LMO7: variants seen among roughly 807,000 people sequenced by gnomAD.
LMO7 encodes LIM domain only protein 7.
In LMO7, 120 loss-of-function variants were observed where a neutral mutation model predicts 206.5. The ratio of observed to expected loss-of-function variants is 0.58; its 90% CI spans 0.50 to 0.68. LMO7 has a LOEUF of 0.68. LMO7 is among the 30% of genes least tolerant of loss of function. The probability of loss-of-function intolerance (pLI) is 0.00; values close to 1 mark genes in which losing one functional copy is unlikely to be tolerated. For synonymous variants in LMO7, 706 were observed against 681.5 expected (o/e 1.04, Z -0.56); for missense variants, 1,959 against 1,957.9 (o/e 1.00, Z -0.01).
intron 1 of LMO7, among the ~76,000 whole-genome samples, chr13:75,667,748 A>G (rs1463753045): frequency 6.6e-6 from 1 of 152,202 alleles, no homozygotes; most frequent in Non-Finnish European, 1.5e-5. Flanking sequence ...TCACTGGAAC[A>G]TCTTGGAGTC....
intron 1 of LMO7, among the ~76,000 whole-genome samples, chr13:75,662,343 G>A (rs9600515): frequency 0.2 from 30,118 of 152,130 alleles, 3,622 homozygotes; most frequent in Admixed American, 0.35. Context: ...TTCTGAGACA[G>A]AATCTCACTC....
intron 3 of LMO7, among the ~76,000 whole-genome samples, chr13:75,735,239 C>T (rs1413836075): frequency 1.3e-5 from 2 of 151,702 alleles, no homozygotes; most frequent in Non-Finnish European, 2.9e-5. Context: ...TGTGACTCTA[C>T]TTGTCCCACC....
intron 1 of LMO7, among the ~76,000 whole-genome samples, chr13:75,705,215 C>T (rs917857382): frequency 6.6e-6 from 1 of 152,208 alleles, no homozygotes; most frequent in Non-Finnish European, 1.5e-5. Context: ...CACGAGCCTA[C>T]ACTGGGATAT....
Position 75,817,161 on chromosome 13 carries a change from G to T in LMO7, c.1947G>T (p.Gly649=). The change falls in exon 12 of 31, where the codon GGG becomes GGT. Residue 649 remains glycine, a splice_region_variant and synonymous_variant. Transcript: ENST00000377534. ...RLFQKIYGEN[G]SKSMSDVSAE... ...GTAACCATGAGTCTTTTTGTTGTAG[G>T]AGTAAGTCCATGAGTGATGTCAGCG... The T allele has an allele frequency of 6.2e-7, 1 of 1,608,202 alleles. No individual in the cohort carries two copies. The highest frequency in any genetic ancestry group is 8.5e-7 in the Non-Finnish European group (1 of 1,175,102).
At chr13:75,766,141 G>T (rs2048838408) in intron 4 of LMO7, among the ~76,000 whole-genome samples, 1 of 151,734 alleles carries the variant, frequency 6.6e-6, no homozygotes, top group African/African-American at 2.4e-5. Flanking sequence ...TTGTTGAAGA[G>T]ATTCTTCTTT....
chr13:75,636,238 G>C, upstream of LMO7: 1 of 975,160 alleles, frequency 1.0e-6, no homozygotes, highest in Non-Finnish European at 1.2e-6. Context: ...AGACGGAAGC[G>C]GCGACTCGGC....
chr13:75,718,012 C>G (rs2043699340), intron 2 of LMO7, among the ~76,000 whole-genome samples: 1 of 152,106 alleles, frequency 6.6e-6, no homozygotes. Context: ...TGTGATAGCC[C>G]AGCAATAGGC....
intron 4 of LMO7, chr13:75,789,237 CTG>C (rs1010109604): frequency 6.6e-6 from 1 of 152,074 alleles, no homozygotes; most frequent in African/African-American, 2.4e-5. Context: ...AGTCAGATAA[CTG>C]TATTTGATCT....
intron 18 of LMO7, 129 bp from the exon 19 acceptor site, chr13:75,836,268 T>A (rs542373224): frequency 1.7e-6 from 1 of 602,936 alleles, no homozygotes; most frequent in Non-Finnish European, 2.9e-6. Context: ...TGTAAAAGGC[T>A]GTAAGGAATG....
At chr13:75,637,914 T>G (rs1425769007) in intron 1 of LMO7, among the ~76,000 whole-genome samples, 1 of 152,126 alleles carries the variant, frequency 6.6e-6, no homozygotes, top group African/African-American at 2.4e-5. Flanking sequence ...GAAGGTGACT[T>G]AGAAAGATGT....
intron 1 of LMO7, among the ~76,000 whole-genome samples, chr13:75,640,645 G>T (rs554521880): frequency 6.6e-6 from 1 of 152,096 alleles, no homozygotes; most frequent in Non-Finnish European, 1.5e-5. Flanking sequence ...GGCAGGAATC[G>T]TATCTTATTT....
Position 75,727,069 on chromosome 13 carries a change from A to G in LMO7, c.181A>G (p.Asn61Asp), listed in dbSNP as rs1294387136. Reference protein sequence around the residue: ...KLKPGVIKKINRLSTPIAGLD... With the variant: ...KLKPGVIKKIDRLSTPIAGLD... ...TAAACCTGGCGTCATTAAGAAGATC[A>G]ATAGACTGTCTACACCAATAGCAGG... Residue 61 changes from asparagine to aspartate, a missense_variant, in exon 3 of 31, where the codon AAT (asparagine) becomes GAT (aspartate). Transcript: ENST00000377534. The G allele has an allele frequency of 3.1e-6, 5 of 1,590,200 alleles. No individual in the cohort carries two copies. Among genetic ancestry groups the G allele is most frequent in the Non-Finnish European group, 4.3e-6 (5 of 1,159,222 alleles).
intron 3 of LMO7, among the ~76,000 whole-genome samples, chr13:75,742,083 A>G (rs1352917468): frequency 1.3e-5 from 2 of 152,212 alleles, no homozygotes; most frequent in African/African-American, 4.8e-5. Flanking sequence ...CGTTAACTAC[A>G]GTCCTACCTA....
chr13:75,775,438 A>C (rs936889071), intron 4 of LMO7, among the ~76,000 whole-genome samples: 2 of 152,134 alleles, frequency 1.3e-5, no homozygotes, highest in African/African-American at 2.4e-5. Context: ...TAAACTCAAC[A>C]AAACAAAAAA....
chr13:75,732,871 A>T (rs2045394904), intron 3 of LMO7, among the ~76,000 whole-genome samples: 1 of 151,870 alleles, frequency 6.6e-6, no homozygotes, highest in Non-Finnish European at 1.5e-5. Flanking sequence ...GGTCTGTTGG[A>T]GTTTGCTAGA....
At chr13:75,833,788 G>T (rs2058891317) in intron 16 of LMO7, among the ~76,000 whole-genome samples, 1 of 151,996 alleles carries the variant, frequency 6.6e-6, no homozygotes, top group African/African-American at 2.4e-5. Context: ...TACATCTTAA[G>T]ATTGCCTTAA....
intron 1 of LMO7, among the ~76,000 whole-genome samples, chr13:75,703,739 T>TGTGTGTGCGCGCGC (rs57290262): frequency 6.6e-6 from 1 of 151,674 alleles, no homozygotes; most frequent in African/African-American, 2.4e-5. Context: ...TGTGTGTGTG[T>TGTGTGTGCGCGCGC]GCACTGTGAG....
At chr13:75,689,444 G>A (rs1397869337) in intron 1 of LMO7, among the ~76,000 whole-genome samples, 1 of 152,038 alleles carries the variant, frequency 6.6e-6, no homozygotes, top group Non-Finnish European at 1.5e-5. Flanking sequence ...AGCATACTGT[G>A]ATGGTTAATA....
intron 1 of LMO7, among the ~76,000 whole-genome samples, chr13:75,684,537 G>A (rs1423003960): frequency 1.4e-5 from 2 of 146,112 alleles, no homozygotes; most frequent in Admixed American, 1.4e-4. Flanking sequence ...GAGCCACTGC[G>A]CCCGGCCGGC....
Sources: allele counts gnomAD v4.1 joint callset (sites outside exome capture counted in the v4.1 genomes callset), GRCh38; gene constraint gnomAD v4.1.1; transcripts MANE v1.5; gene names NCBI Gene and HGNC (gene_info 2026-07-23, HGNC 2026-07-21).